PPP2R5C: variants seen among roughly 807,000 people sequenced by gnomAD.
The protein encoded by PPP2R5C is protein phosphatase 2 regulatory subunit B'gamma, also known as serine/threonine-protein phosphatase 2A 56 kDa regulatory subunit gamma isoform.
PPP2R5C carries 7 observed loss-of-function variants against 68.9 expected under a neutral mutation model. That is an observed-to-expected ratio of 0.10 (90% CI 0.06 to 0.19). The LOEUF (loss-of-function observed/expected upper bound fraction) is 0.19, where lower values mean the gene tolerates loss of function less well. Ranked by LOEUF, PPP2R5C falls within the 10% of genes least tolerant of loss-of-function variation. PPP2R5C has a pLI of 1.00. For missense variants in PPP2R5C, 348 were observed against 641.3 expected (o/e 0.54, Z 4.94); for synonymous variants, 210 against 222.2 (o/e 0.95, Z 0.49).
intron 3 of PPP2R5C, among the ~76,000 whole-genome samples, chr14:101,789,361 TC>T (rs2038258464): frequency 6.6e-6 from 1 of 152,206 alleles, no homozygotes; most frequent in Admixed American, 6.5e-5. Flanking sequence ...CCGCTGGTGC[TC>T]CGGAGTCCAA....
intron 1 of PPP2R5C, among the ~76,000 whole-genome samples, chr14:101,852,226 C>T (rs1219602253): frequency 6.6e-6 from 1 of 152,080 alleles, no homozygotes; most frequent in Non-Finnish European, 1.5e-5. Context: ...TTGAGTAACC[C>T]CCAGGCTCAC....
intron 10 of PPP2R5C, among the ~76,000 whole-genome samples, chr14:101,908,566 G>A (rs2046196018): frequency 6.6e-6 from 1 of 151,934 alleles, no homozygotes; most frequent in African/African-American, 2.4e-5. Flanking sequence ...TAGAGATGGG[G>A]TTTCACCATG....
chr14:101,890,750 A>G (rs1654293070), intron 6 of PPP2R5C, among the ~76,000 whole-genome samples: 2 of 147,594 alleles, frequency 1.4e-5, no homozygotes, highest in South Asian at 4.3e-4. Context: ...ATCCAAGTAA[A>G]GTTTTTAGTT....
intron 2 of PPP2R5C, among the ~76,000 whole-genome samples, chr14:101,862,397 C>T (rs1021295763): frequency 3.3e-5 from 5 of 152,098 alleles, no homozygotes; most frequent in African/African-American, 9.7e-5. Flanking sequence ...TCCAAATGAC[C>T]GGTAAAGGTT....
chr14:101,805,143 G>A (rs2039024846), upstream of PPP2R5C, among the ~76,000 whole-genome samples: 1 of 152,310 alleles, frequency 6.6e-6, no homozygotes, highest in East Asian at 1.9e-4. Flanking sequence ...ACCCAGGCTG[G>A]AGTGCAGTGA....
At chr14:101,869,990 C>T (rs2043291431) in intron 2 of PPP2R5C, among the ~76,000 whole-genome samples, 3 of 139,426 alleles carry the variant, frequency 2.2e-5, no homozygotes, top group African/African-American at 8.0e-5. Context: ...GTTTGTATAT[C>T]TTCATTGGTG....
intron 2 of PPP2R5C, among the ~76,000 whole-genome samples, chr14:101,780,640 C>T (rs1200752036): frequency 2.6e-5 from 4 of 152,192 alleles, no homozygotes; most frequent in Middle Eastern, 3.2e-3. Flanking sequence ...GGTTAACACA[C>T]TCCTCTCTCT....
intron 2 of PPP2R5C, among the ~76,000 whole-genome samples, chr14:101,860,993 T>C (rs1158592829): frequency 1.3e-5 from 2 of 152,196 alleles, no homozygotes; most frequent in East Asian, 3.8e-4. Flanking sequence ...GCTCCATCAT[T>C]AATTTCAGCC....
chr14:101,826,710 C>T (rs1317168400), intron 1 of PPP2R5C, among the ~76,000 whole-genome samples: 4 of 151,996 alleles, frequency 2.6e-5, no homozygotes, highest in Admixed American at 6.6e-5. Context: ...TGTTCCTTGT[C>T]TCTTTCTTCT....
chr14:101,787,363 A>AGGAGGAAG (rs1382854692), intron 3 of PPP2R5C, among the ~76,000 whole-genome samples: 3 of 149,644 alleles, frequency 2.0e-5, no homozygotes, highest in Admixed American at 6.6e-5. Context: ...GCCAGGTGGA[A>AGGAGGAAG]GGAGGAAGGG....
chr14:101,791,116 G>A (rs2038345729), intron 3 of PPP2R5C, among the ~76,000 whole-genome samples: 1 of 152,116 alleles, frequency 6.6e-6, no homozygotes, highest in African/African-American at 2.4e-5. Flanking sequence ...AAAAGAAACT[G>A]CCAAACTGTT....
intron 1 of PPP2R5C, among the ~76,000 whole-genome samples, chr14:101,826,376 A>G (rs759447211): frequency 2.0e-5 from 3 of 152,200 alleles, no homozygotes; most frequent in Non-Finnish European, 4.4e-5. Flanking sequence ...CAGTTTTCCC[A>G]GAACCATTTG....
chr14:101,763,118 T>C, intron 2 of PPP2R5C, 148 bp downstream of exon 2: 1 of 644,364 alleles, frequency 1.6e-6, no homozygotes, highest in Non-Finnish European at 2.6e-6. Flanking sequence ...CCCTCAATTT[T>C]AGTTGTTTAG....
intron 3 of PPP2R5C, among the ~76,000 whole-genome samples, chr14:101,799,646 T>C (rs775998848): frequency 2.1e-4 from 32 of 152,162 alleles, no homozygotes; most frequent in Admixed American, 1.2e-3. Context: ...GGAGACCCAG[T>C]TGAACTCTGA....
chr14:101,846,175 A>G (rs911373042), intron 1 of PPP2R5C, among the ~76,000 whole-genome samples: 1 of 152,178 alleles, frequency 6.6e-6, no homozygotes, highest in Non-Finnish European at 1.5e-5. Context: ...ACTCCTTCAC[A>G]TTGGGTGGTA....
chr14:101,856,974 A>G (rs2042457618), intron 2 of PPP2R5C, 89 bp downstream of exon 4: 4 of 1,242,316 alleles, frequency 3.2e-6, no homozygotes, highest in Non-Finnish European at 4.6e-6. Context: ...AGTGCTACCC[A>G]GGAGAAGAAT....
intron 1 of PPP2R5C, among the ~76,000 whole-genome samples, chr14:101,813,349 T>A (rs1201795166): frequency 6.6e-6 from 1 of 152,228 alleles, no homozygotes; most frequent in South Asian, 2.1e-4. Flanking sequence ...TAGGCATAAC[T>A]GTGGTCCAAT....
intron 9 of PPP2R5C, among the ~76,000 whole-genome samples, chr14:101,905,622 A>T (rs368395592): frequency 6.6e-6 from 1 of 151,602 alleles, no homozygotes; most frequent in Non-Finnish European, 1.5e-5. Flanking sequence ...ACGCCATTGC[A>T]CTCCAGCCTG....
intron 5 of PPP2R5C, 82 bp from the exon 8 acceptor site, chr14:101,890,155 C>T (rs2044775273): frequency 7.8e-7 from 1 of 1,276,130 alleles, no homozygotes; most frequent in Non-Finnish European, 1.1e-6. Context: ...TGTTGCCTGG[C>T]TCCATGGCTC....
Sources: allele counts gnomAD v4.1 joint callset (sites outside exome capture counted in the v4.1 genomes callset), GRCh38; gene constraint gnomAD v4.1.1; transcripts MANE v1.5; gene names NCBI Gene and HGNC (gene_info 2026-07-23, HGNC 2026-07-21).